Variants in UTRN observed in about 807,000 individuals in gnomAD.
The protein encoded by UTRN is dystrophin-related protein 1.
UTRN carries 283 observed loss-of-function variants against 463.9 expected under a neutral mutation model. The observed-to-expected ratio is 0.61, with a 90% confidence interval of 0.55 to 0.67. The LOEUF is 0.67. Among genes scored for constraint, UTRN ranks in the 30% least tolerant of loss-of-function variants. The probability of loss-of-function intolerance (pLI) is 0.00; values close to 1 mark genes in which losing one functional copy is unlikely to be tolerated. For synonymous variants in UTRN, 1,442 were observed against 1,431.5 expected (o/e 1.01, Z -0.17); for missense variants, 3,922 against 4,084.3 (o/e 0.96, Z 1.08).
intron 46 of UTRN, 98 bp from the exon 47 acceptor site, chr6:144,548,541 TA>T: frequency 8.4e-7 from 1 of 1,187,702 alleles, no homozygotes; most frequent in Non-Finnish European, 1.2e-6. Context: ...TTACTTAAAC[TA>T]AATTTTATTT....
Position 144,582,475 on chromosome 6 carries a change from TA to T in UTRN, c.7479+5188del, listed in dbSNP as rs201500366. ...AATATGTCTCAAGTGTGTGTATATA[TA>T]TACACATAGAACCCCAAAATTATGT... On this transcript the variant is annotated intron_variant, in intron 51 of 74. Coordinates refer to ENST00000367545, the MANE Select transcript of UTRN (RefSeq NM_007124.3). 9.0e-3 allele frequency among the ~76,000 whole-genome samples: 1,367 copies of T among 152,294 alleles called. 7 individuals are homozygous for T. The highest frequency in any genetic ancestry group is 0.024 in the Middle Eastern group (7 of 294).
chr6:144,732,243 T>TATATATATATATATATATATAC (rs1788671261), intron 54 of UTRN, among the ~76,000 whole-genome samples: 10 of 100,990 alleles, frequency 9.9e-5, no homozygotes, highest in Admixed American at 6.1e-4. Context: ...TATATACATA[T>TATATATATATATATATATATAC]ATATATATAT....
chr6:144,755,901 A>T (rs1791937846), intron 57 of UTRN, among the ~76,000 whole-genome samples: 3 of 152,082 alleles, frequency 2.0e-5, no homozygotes, highest in African/African-American at 7.2e-5. Context: ...CTTTTCTTTT[A>T]CAATTTCAAG....
At chr6:144,423,918 A>T in intron 5 of UTRN, 68 bp from the exon 6 acceptor site, 2 of 1,496,912 alleles carry the variant, frequency 1.3e-6, no homozygotes, top group Non-Finnish European at 1.8e-6. Flanking sequence ...TAAAATAAAA[A>T]CCTGGAGTTC....
chr6:144,669,956 GGTGT>G (rs35769043), intron 51 of UTRN, among the ~76,000 whole-genome samples: 22,577 of 147,572 alleles, frequency 0.15, 1,781 homozygotes, highest in South Asian at 0.25. Flanking sequence ...AGTATTCCAT[GGTGT>G]GTGTGTGTGT....
chr6:144,487,450 A>C, intron 28 of UTRN, 98 bp from the exon 29 acceptor site: 1 of 1,252,948 alleles, frequency 8.0e-7, no homozygotes, highest in Non-Finnish European at 1.0e-6. Context: ...TTTTTAGAAA[A>C]TATAATTACT....
chr6:144,551,090 T>G lies in UTRN; in HGVS notation c.6928+8T>G. ...CAGCAATTACAGAAAAATGTAAGTT[T>G]TTTAAAAAAAGTTATGTATTATCAT... On this transcript the variant is annotated splice_region_variant and intron_variant, in intron 48 of 74. Transcript: ENST00000367545. 6.3e-7 allele frequency: 1 copy of G among 1,589,372 alleles called. No individual in the cohort carries two copies. Among genetic ancestry groups the G allele is most frequent in the Non-Finnish European group, 8.5e-7 (1 of 1,170,794 alleles).
At chr6:144,834,041 G>T (rs919886791) in intron 69 of UTRN, among the ~76,000 whole-genome samples, 2 of 152,148 alleles carry the variant, frequency 1.3e-5, no homozygotes, top group African/African-American at 4.8e-5. Context: ...TCTTGCAGAG[G>T]TTCCTTCATT....
At chr6:144,574,881 C>T (rs948351258) in intron 50 of UTRN, among the ~76,000 whole-genome samples, 1 of 152,112 alleles carries the variant, frequency 6.6e-6, no homozygotes, top group African/African-American at 2.4e-5. Flanking sequence ...TGTGCCCCAC[C>T]TAGACATATG....
chr6:144,683,927 C>A (rs1229643815), intron 52 of UTRN, among the ~76,000 whole-genome samples: 5 of 152,140 alleles, frequency 3.3e-5, no homozygotes, highest in Non-Finnish European at 7.3e-5. Context: ...CATCTTTCAA[C>A]AACATCTCCT....
At chr6:144,760,632 T>G (rs1464175544) in intron 58 of UTRN, among the ~76,000 whole-genome samples, 1 of 152,162 alleles carries the variant, frequency 6.6e-6, no homozygotes, top group Non-Finnish European at 1.5e-5. Context: ...TGAAGAATTG[T>G]TATGAAAACA....
At chr6:144,595,157 T>G (rs1803511345) in intron 51 of UTRN, among the ~76,000 whole-genome samples, 1 of 152,216 alleles carries the variant, frequency 6.6e-6, no homozygotes, top group Admixed American at 6.5e-5. Context: ...AAGTGACATA[T>G]CAGTCCTCAG....
At chr6:144,626,564 G>T (rs867760661) in intron 51 of UTRN, among the ~76,000 whole-genome samples, 1 of 152,224 alleles carries the variant, frequency 6.6e-6, no homozygotes, top group Non-Finnish European at 1.5e-5. Context: ...GTTTGCACAT[G>T]TCCACAGCTG....
intron 65 of UTRN, among the ~76,000 whole-genome samples, chr6:144,811,700 A>G (rs918686031): frequency 6.6e-6 from 1 of 151,666 alleles, no homozygotes; most frequent in East Asian, 1.9e-4. Flanking sequence ...TGTTGAAATC[A>G]TTGAAACTTA....
At chr6:144,336,952 C>T (rs1584332256) in intron 2 of UTRN, among the ~76,000 whole-genome samples, 1 of 152,018 alleles carries the variant, frequency 6.6e-6, no homozygotes, top group Non-Finnish European at 1.5e-5. Context: ...CAGATTGGAC[C>T]CTGTTTCTAC....
intron 9 of UTRN, among the ~76,000 whole-genome samples, chr6:144,432,461 A>G (rs368937085): frequency 4.6e-5 from 7 of 152,340 alleles, no homozygotes; most frequent in Admixed American, 1.3e-4. Context: ...TGGGAAAGCC[A>G]GTGAAAGGTT....
At chr6:144,532,376 G>A (rs565192254) in intron 42 of UTRN, among the ~76,000 whole-genome samples, 110 of 152,290 alleles carry the variant, frequency 7.2e-4, no homozygotes, top group East Asian at 1.7e-3. Context: ...CACAGGAAAC[G>A]TCCAGTCATG....
rs543287429 is a variant in UTRN, at chr6:144,746,674, G to A, written c.7940-1572G>A. On this transcript the variant is annotated intron_variant, in intron 54 of 74. Coordinates refer to ENST00000367545, the MANE Select transcript of UTRN (RefSeq NM_007124.3). Reference sequence around the variant, plus strand: ...ATATTTTTAGTAGAGATGGGGTTTCGCCATGTTGGCCAGGCTGGTCTCCAA... The same window carrying A: ...ATATTTTTAGTAGAGATGGGGTTTCACCATGTTGGCCAGGCTGGTCTCCAA... Among the ~76,000 whole-genome samples the A allele has an allele frequency of 7.4e-5, 11 of 148,448 alleles. No individual in the cohort carries two copies. The South Asian group carries it at 1.3e-3, about 17-fold the overall frequency.
intron 8 of UTRN, among the ~76,000 whole-genome samples, chr6:144,429,182 A>G (rs1345916008): frequency 6.6e-6 from 1 of 152,222 alleles, no homozygotes; most frequent in Non-Finnish European, 1.5e-5. Context: ...TAAATTCAGT[A>G]TCTGGTTAGT....
Sources: allele counts gnomAD v4.1 joint callset (sites outside exome capture counted in the v4.1 genomes callset), GRCh38; gene constraint gnomAD v4.1.1; transcripts MANE v1.5; gene names NCBI Gene and HGNC (gene_info 2026-07-23, HGNC 2026-07-21).